Variants in MAPK8 observed in about 807,000 individuals in gnomAD.
The protein encoded by MAPK8 is mitogen-activated protein kinase 8.
In MAPK8, 13 loss-of-function variants were observed where a neutral mutation model predicts 52.9. The ratio of observed to expected loss-of-function variants is 0.25; its 90% CI spans 0.16 to 0.39. MAPK8 has a LOEUF of 0.39. Among genes scored for constraint, MAPK8 ranks in the 10% least tolerant of loss-of-function variants. MAPK8 has a pLI of 1.00. For synonymous variants in MAPK8, 191 were observed against 169.8 expected, an observed-to-expected ratio of 1.12 and a Z score of -0.97; for missense variants, 300 against 519.2, an observed-to-expected ratio of 0.58 and a Z score of 4.10.
chr10:48,352,781 G>C (rs1199631256), intron 1 of MAPK8, among the ~76,000 whole-genome samples: 1 of 152,004 alleles, frequency 6.6e-6, no homozygotes, highest in African/African-American at 2.4e-5. Context: ...TAAAACAAGC[G>C]GGGGGAAAGC....
intron 1 of MAPK8, among the ~76,000 whole-genome samples, chr10:48,340,502 T>C (rs940210520): frequency 1.3e-5 from 2 of 152,074 alleles, no homozygotes; most frequent in Admixed American, 1.3e-4. Context: ...AATGTACCCA[T>C]GTAACAAACC....
At chr10:48,346,109 G>T (rs1845747346) in intron 1 of MAPK8, among the ~76,000 whole-genome samples, 1 of 152,118 alleles carries the variant, frequency 6.6e-6, no homozygotes, top group South Asian at 2.1e-4. Context: ...AAGTTCTTTG[G>T]TATACAAAAG....
At chr10:48,371,083 T>C (rs540738462) in intron 1 of MAPK8, among the ~76,000 whole-genome samples, 15 of 152,214 alleles carry the variant, frequency 9.9e-5, no homozygotes, top group East Asian at 1.9e-4. Context: ...TGAAAGGAGA[T>C]TGGAAAGGTT....
intron 7 of MAPK8, chr10:48,425,294 TTAC>T (rs1393980832): frequency 4.8e-6 from 3 of 618,984 alleles, no homozygotes; most frequent in Non-Finnish European, 8.8e-6. Flanking sequence ...AATCCTAACC[TTAC>T]AACTTAGCAA....
chr10:48,362,622 A>G (rs1050280505), intron 1 of MAPK8, among the ~76,000 whole-genome samples: 1 of 151,964 alleles, frequency 6.6e-6, no homozygotes, highest in East Asian at 1.9e-4. Flanking sequence ...CGATCTTACC[A>G]CTAATTTATT....
chr10:48,412,992 T>C (rs755476312), intron 5 of MAPK8, among the ~76,000 whole-genome samples: 2 of 152,190 alleles, frequency 1.3e-5, no homozygotes, highest in Non-Finnish European at 2.9e-5. Flanking sequence ...CTATTTTATG[T>C]CTATATGATT....
chr10:48,306,925 C>T (rs988199670), intron 1 of MAPK8, 104 bp downstream of exon 1: 1 of 152,348 alleles, frequency 6.6e-6, no homozygotes, highest in Non-Finnish European at 1.5e-5. Context: ...GCCGTAACCC[C>T]CTCCTGGGAG....
intron 3 of MAPK8, 81 bp downstream of exon 3, chr10:48,405,062 T>C (rs1360779901): frequency 3.8e-6 from 3 of 787,928 alleles, no homozygotes; most frequent in Non-Finnish European, 5.9e-6. Context: ...AGACTAAATA[T>C]TAGGGGCTTT....
intron 5 of MAPK8, among the ~76,000 whole-genome samples, chr10:48,416,261 G>A (rs1012925568): frequency 4.6e-5 from 7 of 152,110 alleles, no homozygotes; most frequent in East Asian, 1.9e-4. Flanking sequence ...TCACTTTGTC[G>A]GAAAGAGAAA....
At chr10:48,328,833 G>A (rs1038493908) in intron 1 of MAPK8, among the ~76,000 whole-genome samples, 7 of 152,144 alleles carry the variant, frequency 4.6e-5, no homozygotes, top group Non-Finnish European at 1.5e-5. Flanking sequence ...TTTATACTTT[G>A]CCAGTTTGTA....
At chr10:48,370,624 G>T (rs925157811) in intron 1 of MAPK8, among the ~76,000 whole-genome samples, 1 of 152,146 alleles carries the variant, frequency 6.6e-6, no homozygotes, top group South Asian at 2.1e-4. Context: ...TAAAATGAGG[G>T]TAACACTAAA....
At chr10:48,356,175 TA>T (rs2132482158) in intron 1 of MAPK8, among the ~76,000 whole-genome samples, 2 of 152,286 alleles carry the variant, frequency 1.3e-5, no homozygotes, top group South Asian at 4.1e-4. Flanking sequence ...TATAAAACAG[TA>T]ATCATTTTCA....
intron 1 of MAPK8, among the ~76,000 whole-genome samples, chr10:48,361,638 C>T (rs1847536333): frequency 6.6e-6 from 1 of 152,138 alleles, no homozygotes; most frequent in Non-Finnish European, 1.5e-5. Context: ...TAACATTGCT[C>T]TCTCTTGTAC....
intron 11 of MAPK8, among the ~76,000 whole-genome samples, chr10:48,431,606 GATAA>G (rs1270585862): frequency 6.6e-6 from 1 of 152,000 alleles, no homozygotes; most frequent in Non-Finnish European, 1.5e-5. Flanking sequence ...CTTTACTTTG[GATAA>G]ATAAAAGCTT....
chr10:48,345,794 T>G (rs1845713544), intron 1 of MAPK8, among the ~76,000 whole-genome samples: 1 of 152,152 alleles, frequency 6.6e-6, no homozygotes, highest in Non-Finnish European at 1.5e-5. Context: ...GCAGAAAAGC[T>G]GGCAATCCAG....
At chr10:48,323,096 C>T (rs1050359008) in intron 1 of MAPK8, among the ~76,000 whole-genome samples, 6 of 151,784 alleles carry the variant, frequency 4.0e-5, no homozygotes, top group Non-Finnish European at 8.8e-5. Flanking sequence ...CCAGTTTCTA[C>T]AGATTATAGA....
In MAPK8 at chr10:48,435,059, T is replaced by TGGTTG; in HGVS notation, c.*32_*33insTTGGG. 1.8e-5 allele frequency: 8 copies of TGGTTG among 447,966 alleles called. No individual in the cohort carries two copies. Among genetic ancestry groups the TGGTTG allele is most frequent in the Non-Finnish European group, 3.5e-5 (8 of 230,960 alleles). The allele number at this position is 447,966 out of a possible 1,614,324, so 27.7% of individuals were successfully genotyped here. On this transcript the variant is annotated 3_prime_UTR_variant, in exon 12 of 12. Transcript: ENST00000374189. ...TTGGGCCATCGGGGGGTGGGAGGGA[T>TGGTTG]GGGGAGTCGGTTAGTCATTGATAGA...
chr10:48,345,011 G>A (rs1845631678), intron 1 of MAPK8, among the ~76,000 whole-genome samples: 1 of 152,112 alleles, frequency 6.6e-6, no homozygotes, highest in Non-Finnish European at 1.5e-5. Context: ...AAAAAAATCC[G>A]TGAATGCTTG....
chr10:48,316,923 A>G (rs980569965), intron 1 of MAPK8, among the ~76,000 whole-genome samples: 8 of 152,216 alleles, frequency 5.3e-5, no homozygotes, highest in Admixed American at 2.0e-4. Flanking sequence ...AAGTATCCAG[A>G]CTATCCTAAT....
Sources: allele counts gnomAD v4.1 joint callset (sites outside exome capture counted in the v4.1 genomes callset), GRCh38; gene constraint gnomAD v4.1.1; transcripts MANE v1.5; gene names NCBI Gene and HGNC (gene_info 2026-07-23, HGNC 2026-07-21).